ZNF420: variants seen among roughly 807,000 people sequenced by gnomAD.
ZNF420 encodes the protein ATM and p53-associated KZNF protein.
Under a neutral mutation model 44.7 loss-of-function variants are expected in ZNF420, and 31 were observed. That is an observed-to-expected ratio of 0.69 (90% CI 0.52 to 0.94). The LOEUF (loss-of-function observed/expected upper bound fraction) is 0.94, where lower values mean the gene tolerates loss of function less well. ZNF420 is among the 40% of genes least tolerant of loss of function. The pLI is 0.00. For missense variants in ZNF420, 681 were observed against 827.9 expected, an observed-to-expected ratio of 0.82 and a Z score of 2.18; for synonymous variants, 245 against 267.4, an observed-to-expected ratio of 0.92 and a Z score of 0.82.
At chr19:37,108,709 T>A (rs1970227632) in intron 4 of ZNF420, among the ~76,000 whole-genome samples, 1 of 152,162 alleles carries the variant, frequency 6.6e-6, no homozygotes, top group Admixed American at 6.5e-5. Context: ...TTTCTCCCCA[T>A]TCCCAAGGGT....
intron 1 of ZNF420, among the ~76,000 whole-genome samples, chr19:37,050,964 A>G (rs895315225): frequency 1.6e-4 from 24 of 152,210 alleles, no homozygotes; most frequent in Non-Finnish European, 2.8e-4. Context: ...CCTTTTCTGC[A>G]TCTATTGAGA....
intron 2 of ZNF420, among the ~76,000 whole-genome samples, chr19:37,082,586 T>C (rs1968526910): frequency 6.6e-6 from 1 of 152,240 alleles, no homozygotes; most frequent in African/African-American, 2.4e-5. Flanking sequence ...CTGTTCTTTA[T>C]TTCCTGTTCT....
chr19:37,057,606 C>CT lies in ZNF420; in HGVS notation c.-124-22731dup, dbSNP rs200735849. Among the ~76,000 whole-genome samples, 60 of 151,868 alleles carry CT rather than the reference C, an allele frequency of 4.0e-4. No homozygotes were observed. The East Asian group carries it at 6.6e-3, about 17-fold the overall frequency. On this transcript the variant is annotated intron_variant, in intron 1 of 4. Transcript: ENST00000587029. ...GCATGTCAACCTGTTTTTGGTGAGC[C>CT]TTTTTTTTGGTCTCTGCCTGGGTCA...
Position 37,028,070 on chromosome 19 carries a change from C to T in ZNF420, c.-125+19988C>T, listed in dbSNP as rs190134304. Among the ~76,000 whole-genome samples, 519 of 152,308 alleles carry T rather than the reference C, an allele frequency of 3.4e-3. 4 individuals are homozygous for T. The Middle Eastern group carries it at 0.041, about 12-fold the overall frequency. ...CAATCAATGAGAGTTCCTGTTGCGC[C>T]GTATCCTCACCAGCATTTGGTGGTG... On this transcript the variant is annotated intron_variant, in intron 1 of 4. Transcript: ENST00000587029.
At chr19:37,098,251 C>G (rs1292505027) in intron 4 of ZNF420, among the ~76,000 whole-genome samples, 1 of 152,124 alleles carries the variant, frequency 6.6e-6, no homozygotes, top group Non-Finnish European at 1.5e-5. Flanking sequence ...CACACCCGGC[C>G]TATATATTCT....
intron 4 of ZNF420, among the ~76,000 whole-genome samples, chr19:37,113,431 C>T (rs181080671): frequency 4.0e-4 from 61 of 152,302 alleles, no homozygotes; most frequent in Non-Finnish European, 7.8e-4. Context: ...CAGGCTTTTA[C>T]GTACTCTTGA....
chr19:37,091,001 G>A lies in ZNF420; in HGVS notation c.16G>A (p.Val6Met), dbSNP rs751716600. The A allele has an allele frequency of 3.1e-6, 5 of 1,609,390 alleles. No individual in the cohort carries two copies. Among genetic ancestry groups the A allele is most frequent in the East Asian group, 2.2e-5 (1 of 44,828 alleles). ...ATTTTGTTTGTTGTTTCAGAAATTA[G>A]TGATGTTCAGGGATGTTGCCATTGA... MARKL[V>M]MFRDVAIDFS... Residue 6 changes from valine to methionine, a missense_variant, in exon 4 of 5, where the codon GTG becomes ATG. By Grantham distance (21) the Val-to-Met change is conservative. Around this residue, in one of 3 missense-constraint regions of ZNF420, gnomAD observed 350 missense variants for 382.5 expected, o/e 0.92. Transcript: ENST00000337995.
chr19:37,090,972 TA>T lies in ZNF420; in HGVS notation c.10-21del, dbSNP rs777803440. 1.6e-5 allele frequency: 26 copies of T among 1,595,896 alleles called. No individual in the cohort carries two copies. The South Asian group carries it at 2.9e-4, about 18-fold the overall frequency. ...AAAGCATTTTTTAAATTTCCAAAAT[TA>T]ACATTTTGTTTGTTGTTTCAGAAAT... On this transcript the variant is annotated intron_variant, in intron 3 of 4. Transcript: ENST00000337995.
At chr19:37,061,802 A>T (rs982066456) in intron 1 of ZNF420, among the ~76,000 whole-genome samples, 2 of 152,210 alleles carry the variant, frequency 1.3e-5, no homozygotes, top group Non-Finnish European at 1.5e-5. Flanking sequence ...CCATATTTTG[A>T]GGACTTTCTT....
intron 1 of ZNF420, among the ~76,000 whole-genome samples, chr19:37,009,855 C>T (rs1167159144): frequency 5.3e-5 from 8 of 152,158 alleles, no homozygotes; most frequent in Admixed American, 5.2e-4. Context: ...ACCTCCTCTT[C>T]CACTGGTAGA....
chr19:37,069,684 A>G (rs1256662723), intron 1 of ZNF420, among the ~76,000 whole-genome samples: 1 of 152,152 alleles, frequency 6.6e-6, no homozygotes, highest in Non-Finnish European at 1.5e-5. Context: ...GATATTTGAA[A>G]TACGTTTCTA....
At chr19:37,041,766 T>C (rs1039461474) in intron 1 of ZNF420, among the ~76,000 whole-genome samples, 1 of 152,234 alleles carries the variant, frequency 6.6e-6, no homozygotes. Flanking sequence ...TCATGCTCAT[T>C]ATTTTCCTTT....
In ZNF420 at chr19:37,129,911, A is replaced by G; in HGVS notation, c.*853A>G. Reference sequence around the variant, plus strand: ...AATGTATTGCTTTTGAAGTAAACAAAATAACTGATATTACAGACTATTTTG... The same window carrying G: ...AATGTATTGCTTTTGAAGTAAACAAGATAACTGATATTACAGACTATTTTG... On this transcript the variant is annotated 3_prime_UTR_variant, in exon 5 of 5. Transcript: ENST00000337995. 1 of 1,309,592 alleles carries G rather than the reference A, an allele frequency of 7.6e-7. No individual in the cohort carries two copies. Among genetic ancestry groups the G allele is most frequent in the Non-Finnish European group, 1.0e-6 (1 of 993,584 alleles). 81.1% of individuals were successfully genotyped at this position (1,309,592 alleles called of 1,614,324 possible).
chr19:37,050,957 T>G (rs1299088812), intron 1 of ZNF420, among the ~76,000 whole-genome samples: 2 of 152,252 alleles, frequency 1.3e-5, no homozygotes, highest in Non-Finnish European at 2.9e-5. Context: ...TCAAAGGCCT[T>G]TTCTGCATCT....
intron 1 of ZNF420, among the ~76,000 whole-genome samples, chr19:37,055,777 CCAGGAGA>C (rs1380891422): frequency 6.6e-6 from 1 of 152,138 alleles, no homozygotes; most frequent in Non-Finnish European, 1.5e-5. Flanking sequence ...TTTCAGGATT[CCAGGAGA>C]CACGGAGGGG....
intron 1 of ZNF420, among the ~76,000 whole-genome samples, chr19:37,080,077 C>G (rs1327019648): frequency 2.0e-5 from 3 of 152,176 alleles, no homozygotes; most frequent in Non-Finnish European, 2.9e-5. Context: ...CTTTAGGAGA[C>G]AGCCACCCAG....
At chr19:37,063,614 G>T (rs1172672129) in intron 1 of ZNF420, among the ~76,000 whole-genome samples, 1 of 145,634 alleles carries the variant, frequency 6.9e-6, no homozygotes, top group Non-Finnish European at 1.5e-5. Flanking sequence ...TCAGGGCTCA[G>T]TCCTTTAGAT....
At chr19:37,097,023 C>T (rs1748305228) in intron 4 of ZNF420, among the ~76,000 whole-genome samples, 1 of 151,864 alleles carries the variant, frequency 6.6e-6, no homozygotes, top group South Asian at 2.1e-4. Context: ...CTCAGCCTCC[C>T]AAGTAGCTGG....
At chr19:37,094,068 C>T (rs963310391) in intron 4 of ZNF420, among the ~76,000 whole-genome samples, 1 of 152,054 alleles carries the variant, frequency 6.6e-6, no homozygotes. Context: ...CACCCCAGAC[C>T]AATTAAATAA....
Sources: gnomAD v4.1 joint callset for allele counts (sites outside exome capture counted in the v4.1 genomes callset) on GRCh38, gnomAD v4.1.1 for gene constraint, gnomAD v4.1.1 regional missense constraint, MANE v1.5 for transcripts, NCBI Gene and HGNC (gene_info 2026-07-23, HGNC 2026-07-21) for gene names.